Variants in PPP6R3 observed in about 807,000 individuals in gnomAD.
The protein encoded by PPP6R3 is protein phosphatase 6 regulatory subunit 3, also known as serine/threonine-protein phosphatase 6 regulatory subunit 3.
A neutral mutation model predicts 110.7 loss-of-function variants in PPP6R3; 38 were observed. That is an observed-to-expected ratio of 0.34 (90% CI 0.26 to 0.45). The LOEUF is 0.45. Ranked by LOEUF, PPP6R3 falls within the 20% of genes least tolerant of loss-of-function variation. The pLI is 1.00. For missense variants in PPP6R3, 870 were observed against 1,062.4 expected, an observed-to-expected ratio of 0.82 and a Z score of 2.52; for synonymous variants, 369 against 373.5, an observed-to-expected ratio of 0.99 and a Z score of 0.14.
intron 1 of PPP6R3, among the ~76,000 whole-genome samples, chr11:68,484,749 A>C (rs1413088944): frequency 2.0e-5 from 3 of 151,890 alleles, no homozygotes; most frequent in Non-Finnish European, 4.4e-5. Flanking sequence ...CACCACGCCC[A>C]GCTAATTTTT....
intron 1 of PPP6R3, among the ~76,000 whole-genome samples, chr11:68,470,166 A>G (rs2098780097): frequency 6.6e-6 from 1 of 152,216 alleles, no homozygotes; most frequent in Admixed American, 6.5e-5. Flanking sequence ...AAGACAGTTA[A>G]CAGATAAATG....
intron 18 of PPP6R3, 144 bp from the exon 19 acceptor site, chr11:68,595,953 C>A: frequency 1.0e-6 from 1 of 992,420 alleles, no homozygotes; most frequent in Non-Finnish European, 1.5e-6. Context: ...TCTTCCCGGG[C>A]ATCCTGACCA....
intron 21 of PPP6R3, among the ~76,000 whole-genome samples, chr11:68,602,717 G>C (rs546582175): frequency 1.3e-5 from 2 of 152,162 alleles, no homozygotes; most frequent in African/African-American, 4.8e-5. Context: ...ACAGATTCCC[G>C]CATTTGACTC....
intron 1 of PPP6R3, among the ~76,000 whole-genome samples, chr11:68,514,835 T>C (rs1445863058): frequency 6.6e-6 from 1 of 152,054 alleles, no homozygotes; most frequent in Non-Finnish European, 1.5e-5. Context: ...TCCACCTGCC[T>C]TGGCCTCCCA....
At chr11:68,533,280 T>C (rs1011634263) in intron 2 of PPP6R3, among the ~76,000 whole-genome samples, 2 of 152,204 alleles carry the variant, frequency 1.3e-5, no homozygotes, top group Non-Finnish European at 2.9e-5. Flanking sequence ...ACATAATTTT[T>C]GTGTAAGGAA....
intron 1 of PPP6R3, among the ~76,000 whole-genome samples, chr11:68,494,438 G>T (rs910813733): frequency 6.8e-6 from 1 of 146,876 alleles, no homozygotes; most frequent in Non-Finnish European, 1.5e-5. Context: ...AAAAAAGCTG[G>T]TACCTATACG....
intron 9 of PPP6R3, among the ~76,000 whole-genome samples, chr11:68,565,351 C>T (rs1463355893): frequency 2.0e-5 from 3 of 151,880 alleles, no homozygotes; most frequent in Non-Finnish European, 4.4e-5. Flanking sequence ...GTTTGCGTTA[C>T]TCTGCTGGTT....
In PPP6R3 at chr11:68,536,646, T is replaced by C. The variant is rs549787827; in HGVS notation, c.-6-1013T>C. On this transcript the variant is annotated intron_variant, in intron 2 of 23. Transcript: ENST00000393800. ...CCTCCTTCCTTTTACCTAGGCTCTT[T>C]TAAATAGCATGTGGATATTCATGCT... is the stretch of plus-strand genomic sequence containing the variant. 2.1e-3 allele frequency among the ~76,000 whole-genome samples: 320 copies of C among 152,334 alleles called. 3 individuals carry two copies. Among genetic ancestry groups the C allele is most frequent in the Non-Finnish European group, 3.4e-3 (229 of 68,030 alleles).
At chr11:68,611,786 C>T (rs924440147) in intron 23 of PPP6R3, among the ~76,000 whole-genome samples, 1 of 152,118 alleles carries the variant, frequency 6.6e-6, no homozygotes, top group African/African-American at 2.4e-5. Flanking sequence ...TAGAGTGCGT[C>T]CTAGATTGCA....
At chr11:68,595,115 A>G (rs1364169890) in intron 18 of PPP6R3, among the ~76,000 whole-genome samples, 1 of 152,038 alleles carries the variant, frequency 6.6e-6, no homozygotes, top group East Asian at 1.9e-4. Context: ...TAAAACTTCT[A>G]CAAGAAAACT....
chr11:68,539,113 TC>T (rs963768519), intron 3 of PPP6R3, among the ~76,000 whole-genome samples: 7 of 152,224 alleles, frequency 4.6e-5, no homozygotes, highest in African/African-American at 1.7e-4. Flanking sequence ...TACTTGGAAT[TC>T]CCTTCACAGT....
At chr11:68,557,917 GTTAA>G (rs2099405620) in intron 7 of PPP6R3, among the ~76,000 whole-genome samples, 1 of 152,188 alleles carries the variant, frequency 6.6e-6, no homozygotes, top group Non-Finnish European at 1.5e-5. Flanking sequence ...ACTGGTTTAT[GTTAA>G]TTGTTATCTT....
chr11:68,562,028 G>A (rs1201918601), intron 8 of PPP6R3, among the ~76,000 whole-genome samples: 1 of 146,462 alleles, frequency 6.8e-6, no homozygotes, highest in Non-Finnish European at 1.5e-5. Context: ...GATTGTCTTT[G>A]TAGAATATCC....
At chr11:68,601,106 G>C (rs536193304) in intron 20 of PPP6R3, among the ~76,000 whole-genome samples, 1 of 152,168 alleles carries the variant, frequency 6.6e-6, no homozygotes, top group Non-Finnish European at 1.5e-5. Flanking sequence ...ATAGCATTAA[G>C]TTACTACTCA....
At chr11:68,543,549 T>A (rs1437210153) in intron 3 of PPP6R3, among the ~76,000 whole-genome samples, 1 of 152,184 alleles carries the variant, frequency 6.6e-6, no homozygotes, top group Non-Finnish European at 1.5e-5. Flanking sequence ...TGTGCCAGGG[T>A]CTTGCTGCAG....
At chr11:68,598,468 C>T (rs2099620828) in intron 19 of PPP6R3, among the ~76,000 whole-genome samples, 1 of 152,136 alleles carries the variant, frequency 6.6e-6, no homozygotes. Context: ...TTAAGTGTGG[C>T]AGGGAACCAG....
chr11:68,490,408 G>GT (rs983825286), intron 1 of PPP6R3, among the ~76,000 whole-genome samples: 29 of 150,084 alleles, frequency 1.9e-4, no homozygotes, highest in Non-Finnish European at 3.1e-4. Flanking sequence ...GCTCAGTGGT[G>GT]TTTTTTTTTG....
intron 1 of PPP6R3, among the ~76,000 whole-genome samples, chr11:68,485,210 T>C (rs151277757): frequency 1.3e-5 from 2 of 151,908 alleles, no homozygotes; most frequent in African/African-American, 4.8e-5. Context: ...AGGAAAGCAG[T>C]TGATGTTTGT....
chr11:68,491,188 A>C (rs2098981766), intron 1 of PPP6R3, among the ~76,000 whole-genome samples: 1 of 148,462 alleles, frequency 6.7e-6, no homozygotes, highest in South Asian at 2.1e-4. Context: ...TCCTGTCTCC[A>C]AAAAAAAAAT....
Sources: allele counts gnomAD v4.1 joint callset (sites outside exome capture counted in the v4.1 genomes callset), GRCh38; gene constraint gnomAD v4.1.1; transcripts MANE v1.5; gene names NCBI Gene and HGNC (gene_info 2026-07-23, HGNC 2026-07-21).